The following SLC36A1 variants were observed in gnomAD, a reference collection of about 807,000 sequenced individuals.
The protein encoded by SLC36A1 is solute carrier family 36 member 1, also known as proton-coupled amino acid transporter 1.
A neutral mutation model predicts 47.5 loss-of-function variants in SLC36A1; 30 were observed. That is an observed-to-expected ratio of 0.63 (90% CI 0.47 to 0.86). The LOEUF (loss-of-function observed/expected upper bound fraction) is 0.86. SLC36A1 is among the 40% of genes least tolerant of loss of function. SLC36A1 has a pLI of 0.00. For missense variants in SLC36A1, 517 were observed against 606.0 expected, an observed-to-expected ratio of 0.85 and a Z score of 1.54; for synonymous variants, 255 against 249.7, an observed-to-expected ratio of 1.02 and a Z score of -0.20.
chr5:151,538,067 G>T, the SLC36A1 span: 1 of 732,168 alleles, frequency 1.4e-6, no homozygotes, highest in Non-Finnish European at 2.2e-6. Flanking sequence ...GGGCAGAGAC[G>T]AAGAGAGACA....
the SLC36A1 span, chr5:151,551,708 T>G: frequency 3.3e-4 from 409 of 1,233,676 alleles, no homozygotes; most frequent in Non-Finnish European, 4.4e-4. Context: ...CGGTGGTAAA[T>G]TCCACAGTAC....
chr5:151,484,681 G>A (rs966240635), intron 10 of SLC36A1, among the ~76,000 whole-genome samples: 1 of 152,186 alleles, frequency 6.6e-6, no homozygotes, highest in Admixed American at 6.5e-5. Context: ...AGGGACTGGT[G>A]ATAATATTGA....
the SLC36A1 span, among the ~76,000 whole-genome samples, chr5:151,386,081 T>C: frequency 6.6e-6 from 1 of 151,992 alleles, no homozygotes; most frequent in African/African-American, 2.4e-5. Context: ...GGTTTCACTA[T>C]GTTGGCCAGG....
intron 1 of SLC36A1, among the ~76,000 whole-genome samples, chr5:151,455,387 C>T (rs1225942132): frequency 6.6e-6 from 1 of 152,168 alleles, no homozygotes; most frequent in Non-Finnish European, 1.5e-5. Flanking sequence ...TTAGCCACAT[C>T]TTCCATATCC....
chr5:151,399,706 G>A, the SLC36A1 span, among the ~76,000 whole-genome samples: 1 of 152,166 alleles, frequency 6.6e-6, no homozygotes, highest in Non-Finnish European at 1.5e-5. Context: ...GTCATACAGA[G>A]ATTTTCAGTT....
At chr5:151,500,867 C>A in the SLC36A1 span, among the ~76,000 whole-genome samples, 1 of 152,218 alleles carries the variant, frequency 6.6e-6, no homozygotes, top group African/African-American at 2.4e-5. Context: ...TAGGCCTCCC[C>A]GCAGGCCCAG....
At chr5:151,459,770 C>G (rs1755233639) in intron 2 of SLC36A1, 1 of 152,184 alleles carries the variant, frequency 6.6e-6, no homozygotes, top group South Asian at 2.1e-4. Flanking sequence ...CCTTCATGTC[C>G]TAGACTTATG....
chr5:151,542,851 G>T, the SLC36A1 span: 2 of 1,614,164 alleles, frequency 1.2e-6, no homozygotes, highest in Non-Finnish European at 1.7e-6. Context: ...CAATTTGGTG[G>T]ATTCGTGGTC....
chr5:151,521,355 C>G, the SLC36A1 span: 2 of 1,614,224 alleles, frequency 1.2e-6, no homozygotes, highest in South Asian at 1.1e-5. Context: ...TGGGCCCAAC[C>G]TTGGGGTCCA....
chr5:151,498,711 A>G, the SLC36A1 span, among the ~76,000 whole-genome samples: 7 of 152,252 alleles, frequency 4.6e-5, no homozygotes, highest in African/African-American at 9.6e-5. Context: ...CCATTGCCCA[A>G]ATACTTAAAA....
the SLC36A1 span, among the ~76,000 whole-genome samples, chr5:151,541,262 A>ATTCT: frequency 1.3e-5 from 2 of 152,226 alleles, no homozygotes; most frequent in Non-Finnish European, 2.9e-5. Flanking sequence ...ACTGACAAGA[A>ATTCT]TGTGGGAATA....
chr5:151,472,502 A>G (rs1757457224), intron 7 of SLC36A1, among the ~76,000 whole-genome samples: 1 of 151,592 alleles, frequency 6.6e-6, no homozygotes, highest in Admixed American at 6.6e-5. Context: ...AACCATCACA[A>G]CCTCCTTCCT....
the SLC36A1 span, among the ~76,000 whole-genome samples, chr5:151,359,737 A>T: frequency 6.6e-6 from 1 of 152,220 alleles, no homozygotes; most frequent in Non-Finnish European, 1.5e-5. Context: ...ATATAAATGG[A>T]TTCACACAAC....
chr5:151,498,244 CA>C, the SLC36A1 span, among the ~76,000 whole-genome samples: 1 of 152,138 alleles, frequency 6.6e-6, no homozygotes, highest in African/African-American at 2.4e-5. Context: ...TGCGCACGGC[CA>C]GGGGGGTGGG....
chr5:151,507,396 C>A, the SLC36A1 span: 2 of 1,614,200 alleles, frequency 1.2e-6, no homozygotes, highest in Non-Finnish European at 1.7e-6. Context: ...GGTGTCAACA[C>A]CAACACTCCT....
chr5:151,367,374 T>TTTTTTTTTTTTTTTTC, the SLC36A1 span, among the ~76,000 whole-genome samples: 165 of 145,506 alleles, frequency 1.1e-3, 2 homozygotes, highest in African/African-American at 4.1e-3. Context: ...TTTTTTTTTT[T>TTTTTTTTTTTTTTTTC]CCCCAGGGTA....
chr5:151,524,436 C>T, the SLC36A1 span, among the ~76,000 whole-genome samples: 2 of 80,366 alleles, frequency 2.5e-5, no homozygotes, highest in African/African-American at 7.5e-5. Flanking sequence ...ATGAGAAGGG[C>T]CATGTGATAC....
At position 151,469,195 on chromosome 5, in the gene SLC36A1, C is replaced by T. The variant is rs6878344; in HGVS notation, c.723+1270C>T. 6.8e-3 allele frequency: 4,710 copies of T among 688,882 alleles called. 158 individuals carry two copies. In the African/African-American group the frequency reaches 0.071, roughly 10 times the overall value. The allele number at this position is 688,882 out of a possible 1,614,324, so 42.7% of individuals were successfully genotyped here. ...CCTCTTGAATACCATGTCCCCACCC[C>T]GAGTCTCCTCTCAGGGACCCGCTGT... On this transcript the variant is annotated intron_variant, in intron 7 of 10. Transcript: ENST00000243389.
At chr5:151,544,833 G>A in the SLC36A1 span, 2 of 1,614,184 alleles carry the variant, frequency 1.2e-6, no homozygotes, top group Non-Finnish European at 1.7e-6. Flanking sequence ...TTGTCCCCAA[G>A]TCCTCATCAG....
Sources: gnomAD v4.1 joint callset for allele counts (sites outside exome capture counted in the v4.1 genomes callset) on GRCh38, gnomAD v4.1.1 for gene constraint, MANE v1.5 for transcripts, NCBI Gene and HGNC (gene_info 2026-07-23, HGNC 2026-07-21) for gene names.